ANKRD11: variants seen among roughly 807,000 people sequenced by gnomAD.
The protein encoded by ANKRD11 is ankyrin repeat domain-containing protein 11.
ANKRD11 carries 17 observed loss-of-function variants against 195.7 expected under a neutral mutation model. The observed-to-expected ratio is 0.09, with a 90% confidence interval of 0.06 to 0.13. ANKRD11 has a LOEUF of 0.13. Among genes scored for constraint, ANKRD11 ranks in the 10% least tolerant of loss-of-function variants. The probability of loss-of-function intolerance (pLI) is 1.00; values close to 1 mark genes in which losing one functional copy is unlikely to be tolerated. For synonymous variants in ANKRD11, 1,953 were observed against 1,528.1 expected (o/e 1.28, Z -6.49); for missense variants, 3,735 against 3,566.1 (o/e 1.05, Z -1.21).
At chr16:89,274,426 T>C (rs1048564058) in intron 11 of ANKRD11, among the ~76,000 whole-genome samples, 11 of 151,852 alleles carry the variant, frequency 7.2e-5, no homozygotes, top group African/African-American at 2.7e-4. Flanking sequence ...GCCCTCGATG[T>C]GGCAGCCCTG....
chr16:89,305,629 C>G (rs2036146612), intron 3 of ANKRD11, among the ~76,000 whole-genome samples: 1 of 148,084 alleles, frequency 6.8e-6, no homozygotes, highest in Non-Finnish European at 1.5e-5. Flanking sequence ...GCAGAGGAGA[C>G]ACACACGCGC....
At position 89,279,754 on chromosome 16, in the gene ANKRD11, G is replaced by A. The variant is rs993750197; in HGVS notation, c.6788C>T (p.Pro2263Leu). 5 of 1,524,500 alleles carry A rather than the reference G, an allele frequency of 3.3e-6. No homozygotes were observed. Among genetic ancestry groups the A allele is most frequent in the East Asian group, 2.4e-5 (1 of 40,870 alleles). The allele number at this position is 1,524,500 out of a possible 1,614,324, so 94.4% of individuals were successfully genotyped here. A position where few individuals can be genotyped will look rare whatever the true frequency, so the allele number is the denominator to read the frequency against. ...AGGGGCACAGAGGGACGCGGCGGGG[G>A]GGCCTTCAGCCTCAGCCCCCTGGTC... The part of the protein sequence containing the change: ...SGDQGAEAEG[P>L]PAASLCAPDG... The change falls in exon 9 of 13, where the codon CCC (proline) becomes CTC (leucine). Residue 2263 changes from proline to leucine, a missense_variant. Physicochemically the swap from Pro to Leu is moderately conservative, Grantham distance 98 (BLOSUM62 -3). Transcript: ENST00000301030. The surrounding 1 kb of genome is among the most constrained non-coding windows in gnomAD (Gnocchi z 5.6).
intron 1 of ANKRD11, among the ~76,000 whole-genome samples, chr16:89,423,257 G>A (rs765067721): frequency 3.3e-5 from 5 of 152,190 alleles, no homozygotes; most frequent in Admixed American, 6.5e-5. Flanking sequence ...ATTTTCATTC[G>A]CGTTAGGCTG....
chr16:89,417,694 C>T (rs888563015), intron 2 of ANKRD11, among the ~76,000 whole-genome samples: 8 of 152,076 alleles, frequency 5.3e-5, no homozygotes, highest in Non-Finnish European at 8.8e-5. Context: ...ACAGGACAGC[C>T]CGGCGAGACC....
chr16:89,384,454 G>C (rs1215789680), intron 2 of ANKRD11, among the ~76,000 whole-genome samples: 2 of 151,722 alleles, frequency 1.3e-5, no homozygotes, highest in Non-Finnish European at 2.9e-5. Context: ...AACGGGATGG[G>C]ATGAAATGGG....
chr16:89,286,369 C>A, intron 7 of ANKRD11, 183 bp from the exon 8 acceptor site: 2 of 864,068 alleles, frequency 2.3e-6, no homozygotes, highest in Non-Finnish European at 3.6e-6. Flanking sequence ...GTGTGGTGGG[C>A]GAGGCTGTGG....
intron 2 of ANKRD11, among the ~76,000 whole-genome samples, chr16:89,394,340 G>C (rs915396883): frequency 2.0e-5 from 3 of 152,196 alleles, no homozygotes; most frequent in Admixed American, 2.0e-4. Flanking sequence ...CAGAAAAACA[G>C]CTCGTGGGCC....
chr16:89,360,268 T>C (rs2039675751), intron 2 of ANKRD11, among the ~76,000 whole-genome samples: 1 of 152,206 alleles, frequency 6.6e-6, no homozygotes, highest in Non-Finnish European at 1.5e-5. Flanking sequence ...TTATCTTATC[T>C]TATTTTGTAT....
intron 1 of ANKRD11, among the ~76,000 whole-genome samples, chr16:89,445,751 G>A (rs2043757225): frequency 6.6e-6 from 1 of 152,090 alleles, no homozygotes; most frequent in African/African-American, 2.4e-5. Flanking sequence ...GAGGCAGGCA[G>A]ATCACCTGAG....
At position 89,317,155 on chromosome 16, in the gene ANKRD11, A is replaced by T. The variant is rs1437403959; in HGVS notation, c.-59-77T>A. ...CATCCACTCTCACACCGCACTCAAC[A>T]GACTCAGTAACTAGTCAAGGCAGGC... On this transcript the variant is annotated intron_variant, in intron 2 of 12. Transcript: ENST00000301030. 3 of 986,598 alleles carry T rather than the reference A, an allele frequency of 3.0e-6. No homozygotes were observed. The East Asian group carries it at 7.8e-5, about 26-fold the overall frequency. The allele number at this position is 986,598 out of a possible 1,614,324, so 61.1% of individuals were successfully genotyped here.
chr16:89,466,708 A>G (rs2056897693), intron 1 of ANKRD11, among the ~76,000 whole-genome samples: 1 of 152,258 alleles, frequency 6.6e-6, no homozygotes, highest in African/African-American at 2.4e-5. Context: ...TAGTAGACAA[A>G]GACATTAAAA....
chr16:89,392,489 T>G (rs533688812), intron 2 of ANKRD11: 1 of 152,236 alleles, frequency 6.6e-6, no homozygotes, highest in African/African-American at 2.4e-5. Context: ...TTTGAAAATG[T>G]CTCAATGGGT....
At chr16:89,315,579 C>A (rs2036904048) in intron 3 of ANKRD11, among the ~76,000 whole-genome samples, 1 of 152,252 alleles carries the variant, frequency 6.6e-6, no homozygotes, top group Admixed American at 6.5e-5. Flanking sequence ...GCTGACCAAG[C>A]ACTGGCTTCA....
chr16:89,444,663 A>G (rs1334125478), intron 1 of ANKRD11, among the ~76,000 whole-genome samples: 1 of 151,844 alleles, frequency 6.6e-6, no homozygotes, highest in Non-Finnish European at 1.5e-5. Context: ...TAGAAATTCT[A>G]CTCCAGGCAT....
chr16:89,482,488 G>A (rs2057475623), intron 1 of ANKRD11, among the ~76,000 whole-genome samples: 1 of 152,188 alleles, frequency 6.6e-6, no homozygotes, highest in African/African-American at 2.4e-5. Context: ...GAACATTACT[G>A]GAAAAACCTC....
chr16:89,468,584 A>G (rs555640566), intron 1 of ANKRD11, among the ~76,000 whole-genome samples: 2 of 152,276 alleles, frequency 1.3e-5, no homozygotes, highest in African/African-American at 4.8e-5. Flanking sequence ...ACAGGCCTGT[A>G]ATGTTAGCTA....
intron 1 of ANKRD11, among the ~76,000 whole-genome samples, chr16:89,469,145 A>C (rs1289350666): frequency 6.6e-6 from 1 of 151,950 alleles, no homozygotes; most frequent in Non-Finnish European, 1.5e-5. Flanking sequence ...ACTGCACTGC[A>C]CTTCAGCTTG....
chr16:89,427,636 T>C (rs912503098), intron 1 of ANKRD11, among the ~76,000 whole-genome samples: 1 of 148,904 alleles, frequency 6.7e-6, no homozygotes, highest in African/African-American at 2.5e-5. Flanking sequence ...ATCTCTACAA[T>C]AAATACAAAA....
intron 1 of ANKRD11, among the ~76,000 whole-genome samples, chr16:89,482,097 G>A (rs1597551386): frequency 6.6e-6 from 1 of 152,092 alleles, no homozygotes; most frequent in Non-Finnish European, 1.5e-5. Flanking sequence ...CACCCAGTGA[G>A]CAGCCAATGA....
Sources: gnomAD v4.1 joint callset for allele counts (sites outside exome capture counted in the v4.1 genomes callset) on GRCh38, gnomAD v4.1.1 for gene constraint, Gnocchi (gnomAD v3.1) non-coding constraint, MANE v1.5 for transcripts, NCBI Gene and HGNC (gene_info 2026-07-23, HGNC 2026-07-21) for gene names.